The following CCDC198 variants were observed in gnomAD, a reference collection of about 807,000 sequenced individuals.
CCDC198 encodes the protein factor associated with metabolism and energy.
Under a neutral mutation model 35.6 loss-of-function variants are expected in CCDC198, and 18 were observed. That is an observed-to-expected ratio of 0.51 (90% CI 0.35 to 0.75). The LOEUF (loss-of-function observed/expected upper bound fraction) is 0.75. Ranked by LOEUF, CCDC198 falls within the 30% of genes least tolerant of loss-of-function variation. CCDC198 has a pLI of 0.01. For synonymous variants in CCDC198, 119 were observed against 113.4 expected, an observed-to-expected ratio of 1.05 and a Z score of -0.31; for missense variants, 365 against 343.7, an observed-to-expected ratio of 1.06 and a Z score of -0.49.
rs2139447343 is a variant in CCDC198, at chr14:57,469,691, TA to T, written c.*1663del. On this transcript the variant is annotated 3_prime_UTR_variant, in exon 6 of 6. Coordinates refer to ENST00000216445, the MANE Select transcript of CCDC198 (RefSeq NM_018168.4). ...TGCTTCTTACCTACCACAGAAAAAGTAAGAAGACTACTCACAAAGAACTGGG... is the reference window on the plus strand; with the variant it reads ...TGCTTCTTACCTACCACAGAAAAAGTAGAAGACTACTCACAAAGAACTGGG... 6.6e-6 allele frequency: 1 copy of T among 152,290 alleles called. No homozygotes were observed. The highest frequency in any genetic ancestry group is 2.4e-5 in the African/African-American group (1 of 41,566). The allele number at this position is 152,290 out of a possible 1,614,324, so 9.4% of individuals were successfully genotyped here.
At chr14:57,485,995 C>G (rs1159485427) in intron 2 of CCDC198, among the ~76,000 whole-genome samples, 1 of 152,076 alleles carries the variant, frequency 6.6e-6, no homozygotes, top group Non-Finnish European at 1.5e-5. Context: ...CAAATGGGAC[C>G]TGCTGGCACA....
intron 2 of CCDC198, among the ~76,000 whole-genome samples, chr14:57,486,830 A>C (rs959303282): frequency 1.3e-5 from 2 of 152,184 alleles, no homozygotes; most frequent in African/African-American, 4.8e-5. Context: ...TTTCTATTTA[A>C]ACACACAATT....
chr14:57,485,126 G>A (rs1385589777), intron 2 of CCDC198, among the ~76,000 whole-genome samples: 1 of 152,180 alleles, frequency 6.6e-6, no homozygotes, highest in Admixed American at 6.5e-5. Context: ...GCAATAGATT[G>A]AGTTTGAGAC....
chr14:57,478,854 T>C, intron 5 of CCDC198: 1 of 1,149,826 alleles, frequency 8.7e-7, no homozygotes, highest in South Asian at 1.9e-5. Context: ...AGGAGCAGTG[T>C]CTCTTTCAGC....
At chr14:57,484,818 C>T (rs61997493) in intron 2 of CCDC198, among the ~76,000 whole-genome samples, 23,694 of 151,996 alleles carry the variant, frequency 0.16, 2,039 homozygotes, top group Non-Finnish European at 0.19. Flanking sequence ...AGGAGTGACA[C>T]GAGTACATTT....
chr14:57,487,385 G>T (rs2067402050), intron 2 of CCDC198, among the ~76,000 whole-genome samples: 1 of 152,158 alleles, frequency 6.6e-6, no homozygotes, highest in Admixed American at 6.6e-5. Context: ...TGATTGGTCA[G>T]GGTGGGTCTT....
intron 5 of CCDC198, 108 bp downstream of exon 5, chr14:57,480,487 G>T: frequency 2.2e-6 from 3 of 1,350,730 alleles, no homozygotes; most frequent in Admixed American, 2.1e-5. Flanking sequence ...CTCAGCAAGA[G>T]CTCAAAGCTG....
At position 57,469,342 on chromosome 14, in the gene CCDC198, C is replaced by T. The variant is rs1320386615; in HGVS notation, c.*2013G>A. On this transcript the variant is annotated 3_prime_UTR_variant, in exon 6 of 6. Coordinates refer to ENST00000216445, the MANE Select transcript of CCDC198 (RefSeq NM_018168.4). The stretch of plus-strand genomic sequence containing the variant: ...CATTTAATGATAAACTCTTTGCCAG[C>T]TGTCCTGCTAGGAAGCAGAAATACC... 1.3e-5 allele frequency: 2 copies of T among 152,202 alleles called. No individual in the cohort carries two copies. The highest frequency in any genetic ancestry group is 2.1e-4 in the South Asian group (1 of 4,836). The allele number at this position is 152,202 out of a possible 1,614,324, so 9.4% of individuals were successfully genotyped here. A position where few individuals can be genotyped will look rare whatever the true frequency, so the allele number is the denominator to read the frequency against.
rs529772268 is a variant in CCDC198, at chr14:57,493,708, A to T, written c.8T>A (p.Leu3Gln). The T allele has an allele frequency of 1.2e-6, 2 of 1,612,802 alleles. No homozygotes were observed. Among genetic ancestry groups the T allele is most frequent in the African/African-American group, 2.7e-5 (2 of 74,870 alleles). MG[L>Q]SHSKTHLRVI... ...CCTAAGGTGAGTCTTAGAGTGACTC[A>T]GGCCCATTTCATGTGAAAGACATTC... Residue 3 changes from leucine (L) to glutamine (Q), a missense_variant, in exon 1 of 6, where the codon CTG becomes CAG. By Grantham distance (113) the Leu-to-Gln change is moderately radical. Coordinates refer to ENST00000216445, the MANE Select transcript of CCDC198 (RefSeq NM_018168.4).
chr14:57,492,599 A>G (rs1011751004), intron 1 of CCDC198, among the ~76,000 whole-genome samples: 1 of 152,066 alleles, frequency 6.6e-6, no homozygotes, highest in Non-Finnish European at 1.5e-5. Context: ...AACAGGCCAT[A>G]TAGAAACAAC....
intron 2 of CCDC198, among the ~76,000 whole-genome samples, chr14:57,485,007 G>A (rs996169002): frequency 6.6e-6 from 1 of 152,156 alleles, no homozygotes; most frequent in Admixed American, 6.5e-5. Flanking sequence ...GTAAAGGGGA[G>A]TAGAGTCCAC....
intron 2 of CCDC198, among the ~76,000 whole-genome samples, chr14:57,485,688 C>CA (rs1265890320): frequency 6.6e-6 from 1 of 152,142 alleles, no homozygotes; most frequent in Non-Finnish European, 1.5e-5. Flanking sequence ...GAGCACCCAG[C>CA]AGTCCTTTCT....
rs749669773 is a variant in CCDC198 at position 57,490,986 on chromosome 14, T to C, written c.306+3A>G. ...CTTATGAAGCCTTTTAAATTCATCT[T>C]ACTTGAAGTCTTTGGGGTGGATGCC... On this transcript the variant is annotated splice_donor_region_variant and intron_variant, in intron 2 of 5. Transcript: ENST00000216445. The C allele has an allele frequency of 4.5e-6, 7 of 1,570,444 alleles. No individual in the cohort carries two copies. In the South Asian group the frequency reaches 6.7e-5, roughly 15 times the overall value.
chr14:57,492,998 A>G (rs753159882), intron 1 of CCDC198, among the ~76,000 whole-genome samples: 1 of 152,096 alleles, frequency 6.6e-6, no homozygotes, highest in Non-Finnish European at 1.5e-5. Context: ...ACTCCTCTGT[A>G]CTGCAATAAA....
Position 57,481,656 on chromosome 14 carries a change from A to G in CCDC198, c.398T>C (p.Val133Ala), listed in dbSNP as rs201110545. The stretch of plus-strand genomic sequence containing the variant: ...TGGAGTTTGCATTTTCTTTTCTAGT[A>G]CCTGCTATGAAAGACAACACACTTG... ...EARTMHKAKQ[V>A]LEKKMQTPMY... The change falls in exon 4 of 6, where the codon GTA (valine) becomes GCA (alanine). Residue 133 changes from valine to alanine, a missense_variant. Coordinates refer to ENST00000216445, the MANE Select transcript of CCDC198 (RefSeq NM_018168.4). 6.3e-7 allele frequency: 1 copy of G among 1,596,058 alleles called. No individual in the cohort carries two copies.
intron 5 of CCDC198, chr14:57,480,308 C>A: frequency 1.0e-6 from 1 of 985,262 alleles, no homozygotes; most frequent in African/African-American, 1.7e-5. Flanking sequence ...GGCTATTTTG[C>A]CTTTTCTGCT....
intron 5 of CCDC198, among the ~76,000 whole-genome samples, chr14:57,477,541 C>G (rs1038571716): frequency 6.6e-6 from 1 of 152,106 alleles, no homozygotes; most frequent in Admixed American, 6.5e-5. Flanking sequence ...GATTCTCATA[C>G]GGTTAAAGTG....
intron 5 of CCDC198, chr14:57,478,537 G>T (rs1176199044): frequency 1.0e-6 from 1 of 986,598 alleles, no homozygotes; most frequent in African/African-American, 1.7e-5. Context: ...CCATGTGCCA[G>T]TTTCTCCTTG....
Position 57,480,505 on chromosome 14 carries a change from T to C in CCDC198, c.655+90A>G, listed in dbSNP as rs776615016. The stretch of plus-strand genomic sequence containing the variant: ...AGCAAGAGCTCAAAGCTGTTTGCTG[T>C]CTTCTCATCATGTCCCTCCCTTGGT... On this transcript the variant is annotated intron_variant, in intron 5 of 5. Coordinates refer to ENST00000216445, the MANE Select transcript of CCDC198 (RefSeq NM_018168.4). The C allele has an allele frequency of 3.1e-5, 45 of 1,448,570 alleles. 1 individual carries two copies. The highest frequency in any genetic ancestry group is 2.5e-4 in the South Asian group (19 of 77,164). 89.7% of individuals were successfully genotyped at this position (1,448,570 alleles called of 1,614,324 possible).
Sources: allele counts gnomAD v4.1 joint callset (sites outside exome capture counted in the v4.1 genomes callset), GRCh38; gene constraint gnomAD v4.1.1; transcripts MANE v1.5; gene names NCBI Gene and HGNC (gene_info 2026-07-23, HGNC 2026-07-21).